PUS7: variants seen among roughly 807,000 people sequenced by gnomAD.
PUS7 encodes pseudouridylate synthase 7 homolog.
PUS7 carries 48 observed loss-of-function variants against 79.8 expected under a neutral mutation model. That is an observed-to-expected ratio of 0.60 (90% confidence interval 0.48 to 0.76). The LOEUF (loss-of-function observed/expected upper bound fraction) is 0.76, where lower values mean the gene tolerates loss of function less well. Among genes scored for constraint, PUS7 ranks in the 30% least tolerant of loss-of-function variants. The pLI, the probability that PUS7 is intolerant of heterozygous loss-of-function variation, is 0.00. For synonymous variants in PUS7, 286 were observed against 272.2 expected (o/e 1.05, Z -0.50); for missense variants, 729 against 797.6 (o/e 0.91, Z 1.04).
Position 105,502,510 on chromosome 7 carries a change from G to A in PUS7, c.640C>T (p.Leu214=). Residue 214 remains leucine (L), a synonymous_variant, in exon 5 of 16, where the codon CTG becomes TTG. Coordinates refer to ENST00000469408, the MANE Select transcript of PUS7 (RefSeq NM_019042.5). ...GTTTTTGTCTCTAATCCTGGAAACA[G>A]AGATTTGATAGCCTGATGGATGATG... ...RTIIHQAIKS[L]FPGLETKTED... is the part of the protein sequence containing the mutation. 1 of 1,614,054 alleles carries A rather than the reference G, an allele frequency of 6.2e-7. No individual in the cohort carries two copies.
chr7:105,507,131 C>T (rs1025053166), intron 2 of PUS7, among the ~76,000 whole-genome samples: 5 of 151,926 alleles, frequency 3.3e-5, no homozygotes, highest in Non-Finnish European at 7.4e-5. Context: ...CTGCAACCTC[C>T]GCCTCCTGGG....
Position 105,508,363 on chromosome 7 carries a change from G to C in PUS7, c.150C>G (p.Asp50Glu). The change falls in exon 2 of 16, where the codon GAC (aspartate) becomes GAG (glutamate). Residue 50 changes from aspartate (D) to glutamate (E), a missense_variant. Physicochemically the swap from Asp to Glu is conservative, Grantham distance 45. Transcript: ENST00000469408. ...LTKGQDGLQNDFLSISEDVPR... is the reference protein window; with the variant it reads ...LTKGQDGLQNEFLSISEDVPR... ...GCACGTCTTCACTGATGGACAGAAA[G>C]TCATTCTGTAGCCCATCTTGACCTT... is the stretch of plus-strand genomic sequence containing the variant. The C allele has an allele frequency of 6.2e-7, 1 of 1,614,088 alleles. No individual in the cohort carries two copies. Among genetic ancestry groups the C allele is most frequent in the Non-Finnish European group, 8.5e-7 (1 of 1,180,030 alleles).
At chr7:105,495,073 TTA>T in intron 6 of PUS7, 67 bp downstream of exon 6, 2 of 853,094 alleles carry the variant, frequency 2.3e-6, no homozygotes, top group Non-Finnish European at 3.8e-6. Flanking sequence ...CCTTTTTCCA[TTA>T]GCATGGAAAA....
chr7:105,480,887 G>A (rs147371147), intron 9 of PUS7, among the ~76,000 whole-genome samples, 165 bp downstream of exon 9: 18 of 152,144 alleles, frequency 1.2e-4, no homozygotes, highest in Non-Finnish European at 2.4e-4. Context: ...TTTGAACTCC[G>A]ATTTTTTACC....
At chr7:105,488,607 A>G (rs895661709) in intron 7 of PUS7, among the ~76,000 whole-genome samples, 9 of 152,376 alleles carry the variant, frequency 5.9e-5, no homozygotes, top group Middle Eastern at 3.4e-3. Flanking sequence ...AACGAGAAAC[A>G]ATGTAACATT....
intron 7 of PUS7, among the ~76,000 whole-genome samples, chr7:105,485,902 C>G (rs748611047): frequency 6.6e-6 from 1 of 151,840 alleles, no homozygotes; most frequent in African/African-American, 2.4e-5. Context: ...CTTACAAAGT[C>G]TCCAGCCTTA....
chr7:105,502,810 C>T (rs1489967341), intron 4 of PUS7, among the ~76,000 whole-genome samples: 1 of 152,206 alleles, frequency 6.6e-6, no homozygotes, highest in African/African-American at 2.4e-5. Flanking sequence ...AGGGATTCTT[C>T]TGCCTCAGCC....
chr7:105,456,923 C>G lies in PUS7; in HGVS notation c.*867G>C, dbSNP rs1314933472. 6.6e-6 allele frequency: 1 copy of G among 152,028 alleles called. No individual in the cohort carries two copies. Among genetic ancestry groups the G allele is most frequent in the African/African-American group, 2.4e-5 (1 of 41,398 alleles). 9.4% of individuals were successfully genotyped at this position (152,028 alleles called of 1,614,324 possible). ...GGCCAGCACAGCTCATGCCTGTAAT[C>G]CCAGGAGTTAGCCTCGGCAACATGG... is the stretch of plus-strand genomic sequence containing the variant. On this transcript the variant is annotated 3_prime_UTR_variant, in exon 16 of 16. Coordinates refer to ENST00000469408, the MANE Select transcript of PUS7 (RefSeq NM_019042.5).
Position 105,502,524 on chromosome 7 carries a change from T to C in PUS7, c.626A>G (p.Gln209Arg). 1.2e-6 allele frequency: 2 copies of C among 1,614,078 alleles called. No individual in the cohort carries two copies. Among genetic ancestry groups the C allele is most frequent in the Non-Finnish European group, 1.7e-6 (2 of 1,179,968 alleles). Reference sequence around the variant, plus strand: ...TCCTGGAAACAGAGATTTGATAGCCTGATGGATGATGGTTCTTTTCTCTTT... The same window carrying C: ...TCCTGGAAACAGAGATTTGATAGCCCGATGGATGATGGTTCTTTTCTCTTT... ...DTKEKRTIIH[Q>R]AIKSLFPGLE... Residue 209 changes from glutamine to arginine, a missense_variant, in exon 5 of 16, where the codon CAG becomes CGG. Transcript: ENST00000469408.
chr7:105,465,426 C>A lies in PUS7; in HGVS notation c.1526-12G>T. 1 of 1,553,962 alleles carries A rather than the reference C, an allele frequency of 6.4e-7. No individual in the cohort carries two copies. The highest frequency in any genetic ancestry group is 1.1e-5 in the South Asian group (1 of 88,544). Reference sequence around the variant, plus strand: ...ATAGGTGGCTGTGGCTGTAAATTCACAAGTGAACAATAAATTAAGAAAATA... The same window carrying A: ...ATAGGTGGCTGTGGCTGTAAATTCAAAAGTGAACAATAAATTAAGAAAATA... On this transcript the variant is annotated splice_polypyrimidine_tract_variant and intron_variant, in intron 12 of 15. Coordinates refer to ENST00000469408, the MANE Select transcript of PUS7 (RefSeq NM_019042.5).
At chr7:105,497,439 T>C (rs1825082333) in intron 5 of PUS7, among the ~76,000 whole-genome samples, 1 of 152,196 alleles carries the variant, frequency 6.6e-6, no homozygotes, top group African/African-American at 2.4e-5. Flanking sequence ...CATTGAATTA[T>C]AAAGACTTTT....
At chr7:105,517,991 T>A (rs1825959401) in intron 1 of PUS7, among the ~76,000 whole-genome samples, 1 of 151,890 alleles carries the variant, frequency 6.6e-6, no homozygotes. Flanking sequence ...CTACTAAAAA[T>A]CCAAAAATTA....
chr7:105,481,303 TC>T (rs1200650740), intron 8 of PUS7, 126 bp from the exon 9 acceptor site: 2 of 590,014 alleles, frequency 3.4e-6, no homozygotes, highest in African/African-American at 3.8e-5. Context: ...TCTCTCTACC[TC>T]CCAAGGGCTC....
intron 7 of PUS7, among the ~76,000 whole-genome samples, chr7:105,486,675 G>A (rs1028309447): frequency 6.6e-6 from 1 of 152,130 alleles, no homozygotes; most frequent in Admixed American, 6.5e-5. Context: ...CCTAGAGAGA[G>A]TGTTCCGGAG....
chr7:105,508,625 C>T, intron 1 of PUS7, 81 bp from the exon 2 acceptor site: 1 of 1,499,284 alleles, frequency 6.7e-7, no homozygotes, highest in Non-Finnish European at 8.8e-7. Context: ...CACCTGTAAT[C>T]CCAGCGTTTT....
At chr7:105,520,680 C>A (rs577538575) in intron 1 of PUS7, among the ~76,000 whole-genome samples, 1 of 152,240 alleles carries the variant, frequency 6.6e-6, no homozygotes, top group Non-Finnish European at 1.5e-5. Flanking sequence ...CAAGATCGTG[C>A]CATTGCACTC....
chr7:105,517,452 C>G (rs530618802), intron 1 of PUS7, among the ~76,000 whole-genome samples: 90 of 152,288 alleles, frequency 5.9e-4, no homozygotes, highest in South Asian at 1.2e-3. Flanking sequence ...TGAGCCACCA[C>G]GCCTGGCCAA....
At chr7:105,461,488 C>T (rs1469260177) in intron 14 of PUS7, among the ~76,000 whole-genome samples, 2 of 152,150 alleles carry the variant, frequency 1.3e-5, no homozygotes, top group African/African-American at 2.4e-5. Flanking sequence ...CTGGAGTCTC[C>T]GGGCTTACTT....
At chr7:105,516,051 C>T (rs1012635816) in intron 1 of PUS7, among the ~76,000 whole-genome samples, 7 of 151,958 alleles carry the variant, frequency 4.6e-5, no homozygotes, top group Admixed American at 1.3e-4. Flanking sequence ...CCTGGTGATC[C>T]GCCCACCTCA....
Sources: allele counts gnomAD v4.1 joint callset (sites outside exome capture counted in the v4.1 genomes callset), GRCh38; gene constraint gnomAD v4.1.1; transcripts MANE v1.5; gene names NCBI Gene and HGNC (gene_info 2026-07-23, HGNC 2026-07-21).